SLC12A7: variants seen among roughly 807,000 people sequenced by gnomAD.
SLC12A7 encodes the protein K-Cl cotransporter 4.
In SLC12A7, 100 loss-of-function variants were observed where a neutral mutation model predicts 120.6. That is an observed-to-expected ratio of 0.83 (90% CI 0.71 to 0.98). The LOEUF (loss-of-function observed/expected upper bound fraction) is 0.98, where lower values mean the gene tolerates loss of function less well. SLC12A7 is among the 50% of genes least tolerant of loss of function. The pLI is 0.00. For synonymous variants in SLC12A7, 760 were observed against 678.0 expected (o/e 1.12, Z -1.88); for missense variants, 1,373 against 1,548.1 (o/e 0.89, Z 1.90).
chr5:1,100,979 G>A (rs1038322871), intron 1 of SLC12A7, among the ~76,000 whole-genome samples: 2 of 152,094 alleles, frequency 1.3e-5, no homozygotes, highest in South Asian at 2.1e-4. Context: ...AGGAGCCCTC[G>A]ACGAGCTGAG....
intron 1 of SLC12A7, among the ~76,000 whole-genome samples, chr5:1,096,689 GGGGA>G (rs1741174343): frequency 8.8e-6 from 1 of 113,806 alleles, no homozygotes; most frequent in African/African-American, 3.7e-5. Flanking sequence ...AGGAGGGAGG[GGGGA>G]AGGGAGGGAA....
chr5:1,088,450 C>T (rs1740130145), intron 4 of SLC12A7, 90 bp from the exon 5 acceptor site: 2 of 1,383,418 alleles, frequency 1.4e-6, no homozygotes, highest in Non-Finnish European at 2.0e-6. Context: ...TGACCCGGCT[C>T]CCGCCGAATG....
chr5:1,097,586 C>T (rs1425680933), intron 1 of SLC12A7, among the ~76,000 whole-genome samples: 6 of 152,208 alleles, frequency 3.9e-5, no homozygotes, highest in East Asian at 1.9e-4. Context: ...AGCGGCCTCA[C>T]GACAAAGCCC....
At chr5:1,079,159 A>C (rs1026749849) in intron 10 of SLC12A7, among the ~76,000 whole-genome samples, 11 of 152,178 alleles carry the variant, frequency 7.2e-5, no homozygotes, top group African/African-American at 2.7e-4. Flanking sequence ...ATCACTGTCC[A>C]CACGCGGCAG....
At chr5:1,142,367 TCCACC>T in the SLC12A7 span, among the ~76,000 whole-genome samples, 6 of 77,726 alleles carry the variant, frequency 7.7e-5, no homozygotes, top group African/African-American at 3.3e-4. Context: ...CCCTCTCCCC[TCCACC>T]CTCTCCTGTC....
rs760354179 is a variant in SLC12A7, at chr5:1,053,506, AGCGGGCG to A, written c.3027-31_3027-25del. On this transcript the variant is annotated intron_variant, in intron 22 of 23. Coordinates refer to ENST00000264930, the MANE Select transcript of SLC12A7 (RefSeq NM_006598.3). ...CCCTGCAGGGGAGGTGGGCACGGTC[AGCGGGCG>A]GCGGGTGCACCCCACGCTCCGGACA... 144 of 1,610,220 alleles carry A rather than the reference AGCGGGCG, an allele frequency of 8.9e-5. 1 individual carries two copies. Among genetic ancestry groups the A allele is most frequent in the African/African-American group, 1.3e-4 (10 of 74,992 alleles).
At chr5:1,114,224 G>C (rs1309818430), upstream of SLC12A7, among the ~76,000 whole-genome samples, 1 of 152,236 alleles carries the variant, frequency 6.6e-6, no homozygotes, top group Non-Finnish European at 1.5e-5. Flanking sequence ...TGAAGCACCT[G>C]GGTGGGTGCC....
the SLC12A7 span, among the ~76,000 whole-genome samples, chr5:1,139,086 G>A: frequency 3.9e-5 from 6 of 152,148 alleles, no homozygotes; most frequent in African/African-American, 7.2e-5. Flanking sequence ...GGCTCTGGGC[G>A]GCAGCAGGTG....
chr5:1,119,679 G>A, the SLC12A7 span, among the ~76,000 whole-genome samples: 7 of 152,254 alleles, frequency 4.6e-5, no homozygotes, highest in African/African-American at 1.7e-4. Context: ...GCCACCCCGT[G>A]CCAGGCTCCC....
chr5:1,060,520 G>A lies in SLC12A7; in HGVS notation c.2740-69C>T, dbSNP rs1224314853. 5.1e-6 allele frequency: 6 copies of A among 1,180,604 alleles called. No homozygotes were observed. The African/African-American group carries it at 7.5e-5, about 15-fold the overall frequency. 73.1% of individuals were successfully genotyped at this position (1,180,604 alleles called of 1,614,324 possible). On this transcript the variant is annotated intron_variant, in intron 20 of 23. Transcript: ENST00000264930. ...CCACGGATGGCTCCAACACCAGCCCGGTACCCAGAGACCGAGCCGCCCTGA... is the reference window on the plus strand; with the variant it reads ...CCACGGATGGCTCCAACACCAGCCCAGTACCCAGAGACCGAGCCGCCCTGA...
upstream of SLC12A7, among the ~76,000 whole-genome samples, chr5:1,112,236 C>T (rs996692571): frequency 8.6e-5 from 13 of 151,874 alleles, no homozygotes; most frequent in African/African-American, 3.1e-4. Context: ...GCTTTCGCTG[C>T]CTGCGCTCCC....
chr5:1,087,678 C>A (rs1364009378), intron 5 of SLC12A7, among the ~76,000 whole-genome samples: 3 of 152,236 alleles, frequency 2.0e-5, no homozygotes, highest in African/African-American at 7.2e-5. Flanking sequence ...GGATGGGGAC[C>A]AGCTGCGTGA....
At chr5:1,110,080 G>A (rs1742881300) in intron 1 of SLC12A7, among the ~76,000 whole-genome samples, 1 of 152,256 alleles carries the variant, frequency 6.6e-6, no homozygotes, top group Non-Finnish European at 1.5e-5. Context: ...ACCTCTGTGG[G>A]CTGAAGATCA....
intron 17 of SLC12A7, 101 bp downstream of exon 17, chr5:1,073,532 C>T: frequency 7.7e-7 from 1 of 1,300,254 alleles, no homozygotes; most frequent in Non-Finnish European, 1.0e-6. Flanking sequence ...GCGCCACGCA[C>T]AGCACCGTGT....
chr5:1,122,072 G>A, the SLC12A7 span, among the ~76,000 whole-genome samples: 1 of 151,974 alleles, frequency 6.6e-6, no homozygotes, highest in Non-Finnish European at 1.5e-5. Context: ...CTTGTGCCCC[G>A]GGCCCACGGC....
At chr5:1,117,529 G>T in the SLC12A7 span, among the ~76,000 whole-genome samples, 2 of 152,304 alleles carry the variant, frequency 1.3e-5, no homozygotes, top group South Asian at 4.1e-4. The surrounding 1 kb of genome is among the most constrained non-coding windows in gnomAD (Gnocchi z 4.5). Flanking sequence ...GCAGCTGGAG[G>T]CTACAAGATT....
At chr5:1,063,174 G>A (rs1009620054) in intron 20 of SLC12A7, among the ~76,000 whole-genome samples, 11 of 152,180 alleles carry the variant, frequency 7.2e-5, no homozygotes, top group South Asian at 2.1e-4. Context: ...AGGACGGGAC[G>A]AGTCTCTGTC....
At chr5:1,088,664 G>A (rs536722366) in intron 4 of SLC12A7, among the ~76,000 whole-genome samples, 5 of 152,316 alleles carry the variant, frequency 3.3e-5, no homozygotes, top group Middle Eastern at 3.4e-3. Flanking sequence ...CTCAGCCCCC[G>A]GGTGCCGCCC....
the SLC12A7 span, among the ~76,000 whole-genome samples, chr5:1,142,556 C>T: frequency 4.0e-5 from 5 of 124,902 alleles, no homozygotes; most frequent in African/African-American, 1.3e-4. Context: ...GTGTGTGTCT[C>T]TCTCTCTGTC....
Sources: gnomAD v4.1 joint callset for allele counts (sites outside exome capture counted in the v4.1 genomes callset) on GRCh38, gnomAD v4.1.1 for gene constraint, Gnocchi (gnomAD v3.1) non-coding constraint, MANE v1.5 for transcripts, NCBI Gene and HGNC (gene_info 2026-07-23, HGNC 2026-07-21) for gene names.